PNLIPRP3: variants seen among roughly 807,000 people sequenced by gnomAD.
PNLIPRP3 encodes the protein pancreatic lipase related protein 3.
In PNLIPRP3, 58 loss-of-function variants were observed where a neutral mutation model predicts 52.8. That is an observed-to-expected ratio of 1.10 (90% CI 0.89 to 1.37). The LOEUF (loss-of-function observed/expected upper bound fraction) is 1.37, where lower values mean the gene tolerates loss of function less well. Among genes scored for constraint, PNLIPRP3 ranks in the 40% most tolerant of loss-of-function variants. PNLIPRP3 has a pLI of 0.00. For synonymous variants in PNLIPRP3, 192 were observed against 185.0 expected, an observed-to-expected ratio of 1.04 and a Z score of -0.31; for missense variants, 593 against 561.6, an observed-to-expected ratio of 1.06 and a Z score of -0.57.
chr10:116,458,756 C>CT (rs1028403248), intron 5 of PNLIPRP3, among the ~76,000 whole-genome samples: 18 of 152,252 alleles, frequency 1.2e-4, no homozygotes, highest in Admixed American at 7.2e-4. Context: ...CATTTGTTCA[C>CT]TTTTTTTCAG....
At chr10:116,435,582 C>T (rs1845763588) in intron 1 of PNLIPRP3, among the ~76,000 whole-genome samples, 1 of 152,150 alleles carries the variant, frequency 6.6e-6, no homozygotes, top group African/African-American at 2.4e-5. Flanking sequence ...GCCCTTCTGG[C>T]TGAGCTTTGC....
chr10:116,441,504 C>T (rs1384354238), intron 2 of PNLIPRP3, among the ~76,000 whole-genome samples: 4 of 152,088 alleles, frequency 2.6e-5, no homozygotes, highest in African/African-American at 9.7e-5. Context: ...AATGAGTGAG[C>T]ACCTGGATTA....
intron 4 of PNLIPRP3, among the ~76,000 whole-genome samples, 167 bp from the exon 5 acceptor site, chr10:116,455,555 T>C (rs935120106): frequency 5.9e-5 from 9 of 152,126 alleles, no homozygotes; most frequent in African/African-American, 1.7e-4. Flanking sequence ...TCTCCTTCAG[T>C]TGGATAAGGA....
intron 10 of PNLIPRP3, among the ~76,000 whole-genome samples, chr10:116,475,018 GA>G (rs1378304304): frequency 6.6e-6 from 1 of 152,146 alleles, no homozygotes; most frequent in Non-Finnish European, 1.5e-5. Flanking sequence ...CAACAGCAAA[GA>G]CATGGAATCA....
intron 4 of PNLIPRP3, among the ~76,000 whole-genome samples, chr10:116,445,761 G>A (rs975953233): frequency 2.6e-5 from 4 of 152,168 alleles, no homozygotes; most frequent in Admixed American, 6.5e-5. Context: ...TGGGAAAAGG[G>A]TTTAGGGTGA....
At chr10:116,444,657 A>C (rs1845917480) in intron 4 of PNLIPRP3, 144 bp downstream of exon 4, 4 of 808,096 alleles carry the variant, frequency 4.9e-6, no homozygotes, top group Non-Finnish European at 7.5e-6. Context: ...TATGGCAGAC[A>C]AAAAAGGAAA....
chr10:116,430,990 A>C (rs1845702389), intron 1 of PNLIPRP3, among the ~76,000 whole-genome samples: 1 of 152,188 alleles, frequency 6.6e-6, no homozygotes. Context: ...ATCTACCCCC[A>C]AATCTGTTCG....
chr10:116,470,639 A>G (rs1295513625), intron 9 of PNLIPRP3, among the ~76,000 whole-genome samples: 1 of 151,524 alleles, frequency 6.6e-6, no homozygotes, highest in Admixed American at 6.6e-5. Context: ...CCTCCCAAGT[A>G]GCTGGGATTA....
At position 116,444,377 on chromosome 10, in the gene PNLIPRP3, G is replaced by T; in HGVS notation, c.325-5G>T. The T allele has an allele frequency of 6.2e-7, 1 of 1,600,746 alleles. No homozygotes were observed. The highest frequency in any genetic ancestry group is 1.7e-5 in the Admixed American group (1 of 58,810). ...ATTTAATATTTATATAAATCTTTGT[G>T]CCAGGTGTTGCTACAGCTGGAAGAT... On this transcript the variant is annotated splice_region_variant and splice_polypyrimidine_tract_variant and intron_variant, in intron 3 of 11. Coordinates refer to ENST00000369230, the MANE Select transcript of PNLIPRP3 (RefSeq NM_001011709.3).
At chr10:116,464,208 A>C (rs190350560) in intron 7 of PNLIPRP3, among the ~76,000 whole-genome samples, 324 of 152,338 alleles carry the variant, frequency 2.1e-3, no homozygotes, top group African/African-American at 7.4e-3. Flanking sequence ...ACTGGTTCAC[A>C]ATGCTGACTG....
chr10:116,445,843 G>A (rs1222240004), intron 4 of PNLIPRP3, among the ~76,000 whole-genome samples: 1 of 152,134 alleles, frequency 6.6e-6, no homozygotes, highest in African/African-American at 2.4e-5. Context: ...GAACAGCTGA[G>A]TCTCTTCTCC....
intron 1 of PNLIPRP3, among the ~76,000 whole-genome samples, chr10:116,431,921 C>G (rs564493563): frequency 9.1e-4 from 139 of 152,206 alleles, no homozygotes; most frequent in African/African-American, 2.9e-3. Flanking sequence ...TCCTCTCCCC[C>G]CCAGGTCTTG....
intron 4 of PNLIPRP3, among the ~76,000 whole-genome samples, chr10:116,445,632 A>AT (rs1390106408): frequency 5.9e-5 from 9 of 151,742 alleles, no homozygotes; most frequent in Admixed American, 5.9e-4. Context: ...GGGCTTTCCT[A>AT]TGTCCAATAA....
chr10:116,461,123 A>C, intron 6 of PNLIPRP3, 38 bp downstream of exon 6: 1 of 1,614,152 alleles, frequency 6.2e-7, no homozygotes, highest in Non-Finnish European at 8.5e-7. Context: ...ATTGAAGCAT[A>C]GAGGAGATTT....
intron 10 of PNLIPRP3, 49 bp from the exon 11 acceptor site, chr10:116,476,603 G>A: frequency 7.0e-7 from 1 of 1,427,322 alleles, no homozygotes; most frequent in Non-Finnish European, 9.5e-7. Context: ...CTTTCATTCA[G>A]TGCTGTGAAT....
At chr10:116,445,445 C>T (rs1308711309) in intron 4 of PNLIPRP3, among the ~76,000 whole-genome samples, 1 of 152,138 alleles carries the variant, frequency 6.6e-6, no homozygotes, top group Non-Finnish European at 1.5e-5. Context: ...CTCATTTATG[C>T]CCCGACACTT....
chr10:116,436,586 T>G, intron 1 of PNLIPRP3, 125 bp from the exon 2 acceptor site: 2 of 1,004,622 alleles, frequency 2.0e-6, no homozygotes, highest in Non-Finnish European at 2.8e-6. Flanking sequence ...AGAAAATATT[T>G]TCAAGCCATA....
At chr10:116,434,346 C>T (rs959857499) in intron 1 of PNLIPRP3, among the ~76,000 whole-genome samples, 4 of 152,114 alleles carry the variant, frequency 2.6e-5, no homozygotes, top group African/African-American at 9.7e-5. Context: ...TCTCTATAAA[C>T]ATTTTTAATG....
At chr10:116,436,609 G>T in intron 1 of PNLIPRP3, 102 bp from the exon 2 acceptor site, 3 of 1,180,244 alleles carry the variant, frequency 2.5e-6, no homozygotes, top group Non-Finnish European at 2.3e-6. Flanking sequence ...TCCAATAAGG[G>T]GTTAATTTCC....
Sources: allele counts gnomAD v4.1 joint callset (sites outside exome capture counted in the v4.1 genomes callset), GRCh38; gene constraint gnomAD v4.1.1; transcripts MANE v1.5; gene names NCBI Gene and HGNC (gene_info 2026-07-23, HGNC 2026-07-21).